Variants in NPR1 observed in about 807,000 individuals in gnomAD.
NPR1 encodes atrial natriuretic peptide receptor 1.
Under a neutral mutation model 116.9 loss-of-function variants are expected in NPR1, and 57 were observed. The ratio of observed to expected loss-of-function variants is 0.49; its 90% CI spans 0.39 to 0.61. NPR1 has a LOEUF of 0.61. Among genes scored for constraint, NPR1 ranks in the 20% least tolerant of loss-of-function variants. The pLI is 0.00. For missense variants in NPR1, 1,096 were observed against 1,409.8 expected (o/e 0.78, Z 3.56); for synonymous variants, 555 against 601.6 (o/e 0.92, Z 1.13).
intron 2 of NPR1, 85 bp from the exon 3 acceptor site, chr1:153,681,095 A>T (rs1669764846): frequency 2.6e-6 from 2 of 775,188 alleles, no homozygotes; most frequent in Non-Finnish European, 4.6e-6. Flanking sequence ...CAGCTCTGGG[A>T]GGTGGGCTCC....
rs1423077094 is a variant in NPR1, at chr1:153,679,845, A to AC, written c.721+20dup. ...AAAGGCCGAGGTGAGACGCTGGCAC[A>AC]CCCCGTCCCGCCGCTTAGCCGCAGG... On this transcript the variant is annotated intron_variant, in intron 1 of 21. Coordinates refer to ENST00000368680, the MANE Select transcript of NPR1 (RefSeq NM_000906.4). The surrounding 1 kb of genome is among the most constrained non-coding windows in gnomAD (Gnocchi z 4.2). 1 of 1,532,448 alleles carries AC rather than the reference A, an allele frequency of 6.5e-7. No homozygotes were observed. The highest frequency in any genetic ancestry group is 2.0e-5 in the Admixed American group (1 of 49,276). 94.9% of individuals were successfully genotyped at this position (1,532,448 alleles called of 1,614,324 possible).
At position 153,693,443 on chromosome 1, in the gene NPR1, T is replaced by TC. The variant is rs5777879; in HGVS notation, c.*32dup. The TC allele has an allele frequency of 0.52, 824,357 of 1,573,660 alleles. 218,947 individuals are homozygous for TC. The highest frequency in any genetic ancestry group is 0.69 in the Admixed American group (38,753 of 56,560). The stretch of plus-strand genomic sequence containing the variant: ...GCCTCCTCTCCTATCCCTCCACACC[T>TC]CCCTACCCTGTGCCAGAAGCAACAG... On this transcript the variant is annotated 3_prime_UTR_variant, in exon 22 of 22. Transcript: ENST00000368680.
At position 153,679,125 on chromosome 1, in the gene NPR1, G is replaced by T. The variant is rs543746764; in HGVS notation, c.17G>T (p.Arg6Leu). Reference protein sequence around the residue: MPGPRRPAGSRLRLLL... With the variant: MPGPRLPAGSRLRLLL... ...GCTGAGGCCATGCCGGGGCCCCGGC[G>T]CCCCGCTGGCTCCCGCCTGCGCCTG... Residue 6 changes from arginine (R) to leucine (L), a missense_variant, in exon 1 of 22, where the codon CGC (arginine) becomes CTC (leucine). By Grantham distance (102) the Arg-to-Leu change is moderately radical. Coordinates refer to ENST00000368680, the MANE Select transcript of NPR1 (RefSeq NM_000906.4). This position sits in a 1 kb window ranked among gnomAD's most constrained non-coding sequence, Gnocchi z 4.2. 70 of 1,435,400 alleles carry T rather than the reference G, an allele frequency of 4.9e-5. No homozygotes were observed. In the East Asian group the frequency reaches 1.9e-3, roughly 39 times the overall value. The allele number at this position is 1,435,400 out of a possible 1,614,324, so 88.9% of individuals were successfully genotyped here. A position where few individuals can be genotyped will look rare whatever the true frequency, so the allele number is the denominator to read the frequency against.
chr1:153,690,006 G>T, intron 19 of NPR1, 26 bp downstream of exon 19: 1 of 1,474,298 alleles, frequency 6.8e-7, no homozygotes, highest in African/African-American at 1.4e-5. Context: ...GTGCAGGCGG[G>T]CATCCAGAGG....
intron 2 of NPR1, chr1:153,680,913 C>G (rs114684664): frequency 3.3e-6 from 2 of 604,962 alleles, no homozygotes; most frequent in Non-Finnish European, 5.8e-6. Context: ...AGGGGCGCTT[C>G]GCCACCAGCA....
At position 153,689,513 on chromosome 1, in the gene NPR1, G is replaced by A; in HGVS notation, c.2749G>A (p.Val917Met). 6.2e-7 allele frequency: 1 copy of A among 1,614,048 alleles called. No individual in the cohort carries two copies. The highest frequency in any genetic ancestry group is 8.5e-7 in the Non-Finnish European group (1 of 1,179,918). Reference sequence around the variant, plus strand: ...TGATGCTGTCATAGACAACTTTGATGTGTACAAGGTGAGGGTGGGAGTGGG... The same window carrying A: ...TGATGCTGTCATAGACAACTTTGATATGTACAAGGTGAGGGTGGGAGTGGG... ...CFDAVIDNFDVYKVETIGDAY... is the reference protein window; with the variant it reads ...CFDAVIDNFDMYKVETIGDAY... Residue 917 changes from valine to methionine, a missense_variant, in exon 18 of 22, where the codon GTG becomes ATG. Coordinates refer to ENST00000368680, the MANE Select transcript of NPR1 (RefSeq NM_000906.4). The surrounding 1 kb of genome is among the most constrained non-coding windows in gnomAD (Gnocchi z 5.1).
chr1:153,690,068 ATCTCTCTCTCTC>A lies in NPR1; in HGVS notation c.2932+116_2932+127del, dbSNP rs1189924933. ...CCCTGGCCCAGCCCCTCGCCCTTTC[ATCTCTCTCTCTC>A]TCTCTCTCTCTCTCTCTCTCTCTCT... On this transcript the variant is annotated intron_variant, in intron 19 of 21. Coordinates refer to ENST00000368680, the MANE Select transcript of NPR1 (RefSeq NM_000906.4). 4,086 of 679,288 alleles carry A rather than the reference ATCTCTCTCTCTC, an allele frequency of 6.0e-3. 8 individuals carry two copies. Among genetic ancestry groups the A allele is most frequent in the East Asian group, 0.031 (770 of 25,154 alleles). 42.1% of individuals were successfully genotyped at this position (679,288 alleles called of 1,614,324 possible).
chr1:153,679,021 G>T lies in NPR1; in HGVS notation c.-88G>T, dbSNP rs1365098507. The T allele has an allele frequency of 1.5e-5, 20 of 1,353,306 alleles. No homozygotes were observed. The highest frequency in any genetic ancestry group is 6.2e-5 in the African/African-American group (4 of 64,582). The allele number at this position is 1,353,306 out of a possible 1,614,324, so 83.8% of individuals were successfully genotyped here. A position where few individuals can be genotyped will look rare whatever the true frequency, so the allele number is the denominator to read the frequency against. The stretch of plus-strand genomic sequence containing the variant: ...CTCCTGCTCCTTCCCATAGGGACGC[G>T]CCTGATGCCTGGGACCGGCCGCTGA... On this transcript the variant is annotated 5_prime_UTR_variant, in exon 1 of 22. Coordinates refer to ENST00000368680, the MANE Select transcript of NPR1 (RefSeq NM_000906.4). The surrounding 1 kb of genome is among the most constrained non-coding windows in gnomAD (Gnocchi z 4.2).
chr1:153,688,056 T>G lies in NPR1; in HGVS notation c.2252T>G (p.Ile751Ser). 2 of 1,604,328 alleles carry G rather than the reference T, an allele frequency of 1.2e-6. No individual in the cohort carries two copies. Among genetic ancestry groups the G allele is most frequent in the Non-Finnish European group, 1.7e-6 (2 of 1,174,894 alleles). ...VEGLDLSPKE[I>S]IERVTRGEQP... ...CTCCTCTACCCCCCCAATACAGAGA[T>G]CATCGAGCGGGTGACTCGGGGTGAG... Residue 751 changes from isoleucine (I) to serine (S), a missense_variant, in exon 15 of 22, where the codon ATC (isoleucine) becomes AGC (serine). Physicochemically the swap from Ile to Ser is moderately radical, Grantham distance 142. Transcript: ENST00000368680.
chr1:153,690,620 G>T (rs1308727724), intron 20 of NPR1, among the ~76,000 whole-genome samples: 2 of 152,038 alleles, frequency 1.3e-5, no homozygotes, highest in Non-Finnish European at 1.5e-5. Context: ...GCCAGTGCTG[G>T]AGAGTTCCCA....
At chr1:153,680,825 C>T (rs1669752886) in intron 2 of NPR1, 125 bp downstream of exon 2, 1 of 747,094 alleles carries the variant, frequency 1.3e-6, no homozygotes, top group Admixed American at 2.9e-5. Context: ...TCTTTATGCA[C>T]TCCTGGTAAC....
At position 153,693,136 on chromosome 1, in the gene NPR1, A is replaced by C. The variant is rs1455745494; in HGVS notation, c.3062A>C (p.Lys1021Thr). 1.2e-6 allele frequency: 2 copies of C among 1,613,744 alleles called. No homozygotes were observed. The highest frequency in any genetic ancestry group is 4.5e-5 in the East Asian group (2 of 44,872). The change falls in exon 21 of 22, where the codon AAG becomes ACG. Residue 1021 changes from lysine to threonine, a missense_variant. Transcript: ENST00000368680. ...ALKIHLSSET[K>T]AVLEEFGGFE... ...AAGATCCACTTGTCTTCTGAGACCA[A>C]GGCTGTCCTGGAGGAGTTTGGTGGT...
Position 153,689,214 on chromosome 1 carries a change from G to C in NPR1, c.2591G>C (p.Gly864Ala). The change falls in exon 17 of 22, where the codon GGG becomes GCG. Residue 864 changes from glycine to alanine, a missense_variant. Physicochemically the swap from Gly to Ala is moderately conservative, Grantham distance 60. Transcript: ENST00000368680. The surrounding 1 kb of genome is among the most constrained non-coding windows in gnomAD (Gnocchi z 5.1). ...PHSVAEQLKR[G>A]ETVQAEAFDS... ...TCAGTGGCTGAGCAGCTGAAGCGTG[G>C]GGAGACGGTGCAGGCCGAAGCCTTT... is the stretch of plus-strand genomic sequence containing the variant. 2 of 1,614,206 alleles carry C rather than the reference G, an allele frequency of 1.2e-6. No individual in the cohort carries two copies. The highest frequency in any genetic ancestry group is 1.7e-6 in the Non-Finnish European group (2 of 1,180,032).
rs1670013586 is a variant in NPR1, at chr1:153,689,006, C to T, written c.2471C>T (p.Ala824Val). Reference sequence around the variant, plus strand: ...CTGCTGTCCCGCATGGAGCAGTACGCGAACAATCTGGAGGAACTGGTGGAG... The same window carrying T: ...CTGCTGTCCCGCATGGAGCAGTACGTGAACAATCTGGAGGAACTGGTGGAG... ...DNLLSRMEQY[A>V]NNLEELVEER... Residue 824 changes from alanine to valine, a missense_variant, in exon 16 of 22, where the codon GCG (alanine) becomes GTG (valine). By Grantham distance (64) the Ala-to-Val change is moderately conservative. Coordinates refer to ENST00000368680, the MANE Select transcript of NPR1 (RefSeq NM_000906.4). This position sits in a 1 kb window ranked among gnomAD's most constrained non-coding sequence, Gnocchi z 5.1. 2 of 1,614,166 alleles carry T rather than the reference C, an allele frequency of 1.2e-6. No homozygotes were observed. Among genetic ancestry groups the T allele is most frequent in the Non-Finnish European group, 1.7e-6 (2 of 1,180,036 alleles).
chr1:153,685,897 A>G lies in NPR1; in HGVS notation c.1680+17A>G, dbSNP rs1272040412. ...TATTATAAGGTGGGCCTGGGGAAAG[A>G]TCACTGGGCCTTGGGACTGGGGCAG... On this transcript the variant is annotated intron_variant, in intron 9 of 21. Coordinates refer to ENST00000368680, the MANE Select transcript of NPR1 (RefSeq NM_000906.4). The G allele has an allele frequency of 2.5e-6, 4 of 1,607,982 alleles. No individual in the cohort carries two copies. The highest frequency in any genetic ancestry group is 1.3e-5 in the African/African-American group (1 of 74,862).
At chr1:153,690,531 T>C in intron 20 of NPR1, 149 bp downstream of exon 20, 1 of 594,036 alleles carries the variant, frequency 1.7e-6, no homozygotes, top group South Asian at 2.2e-5. Context: ...GAGTTCAACC[T>C]GGGCTCATCA....
At chr1:153,686,361 G>T (rs1241950690) in intron 10 of NPR1, among the ~76,000 whole-genome samples, 161 bp downstream of exon 10, 1 of 152,008 alleles carries the variant, frequency 6.6e-6, no homozygotes, top group Non-Finnish European at 1.5e-5. Context: ...GGGAGTGGGG[G>T]TATCCTAAGC....
Position 153,686,174 on chromosome 1 carries a change from C to T in NPR1, c.1732C>T (p.Arg578Ter), listed in dbSNP as rs748496399. The T allele has an allele frequency of 1.9e-6, 3 of 1,614,062 alleles. No homozygotes were observed. The highest frequency in any genetic ancestry group is 1.7e-5 in the Admixed American group (1 of 60,000). ...RVNRKRIELTRKVLFELKHMR... is the reference protein window; with the variant it reads ...RVNRKRIELT The stretch of plus-strand genomic sequence containing the variant: ...GAACCGTAAACGCATTGAGCTGACA[C>T]GAAAAGTCCTGTTTGAACTGAAGCA... The change falls in exon 10 of 22, where the codon CGA becomes TGA. Residue 578 changes from arginine (R) to a stop codon, truncating the protein, a stop_gained. Transcript: ENST00000368680. LOFTEE classifies it high-confidence loss of function.
At chr1:153,685,233 G>A (rs189138149) in intron 8 of NPR1, 149 bp downstream of exon 8, 309 of 1,112,998 alleles carry the variant, frequency 2.8e-4, no homozygotes, top group Non-Finnish European at 2.8e-4. Context: ...GTCCCTCTCC[G>A]AGACTGTCTC....
Sources: allele counts gnomAD v4.1 joint callset (sites outside exome capture counted in the v4.1 genomes callset), GRCh38; gene constraint gnomAD v4.1.1; non-coding constraint Gnocchi (gnomAD v3.1); transcripts MANE v1.5; gene names NCBI Gene and HGNC (gene_info 2026-07-23, HGNC 2026-07-21).